MACO1: variants seen among roughly 807,000 people sequenced by gnomAD.
MACO1 encodes the protein macoilin 1.
Under a neutral mutation model 78.7 loss-of-function variants are expected in MACO1, and 14 were observed. The observed-to-expected ratio is 0.18, with a 90% confidence interval of 0.12 to 0.28. The LOEUF is 0.28. Ranked by LOEUF, MACO1 falls within the 10% of genes least tolerant of loss-of-function variation. The pLI is 1.00. For missense variants in MACO1, 501 were observed against 799.0 expected (o/e 0.63, Z 4.50); for synonymous variants, 288 against 291.6 (o/e 0.99, Z 0.12).
chr1:25,466,732 T>G (rs1253674452), intron 6 of MACO1, among the ~76,000 whole-genome samples: 1 of 152,228 alleles, frequency 6.6e-6, no homozygotes, highest in Non-Finnish European at 1.5e-5. Context: ...ATACTTTCAG[T>G]CTGAGGCTTT....
intron 6 of MACO1, among the ~76,000 whole-genome samples, chr1:25,469,916 G>A (rs919251484): frequency 1.3e-5 from 2 of 152,060 alleles, no homozygotes; most frequent in African/African-American, 4.8e-5. Context: ...ATGAGCCACC[G>A]CGCCCGGCCA....
intron 6 of MACO1, among the ~76,000 whole-genome samples, chr1:25,469,014 A>T (rs2124595583): frequency 6.6e-6 from 1 of 151,150 alleles, no homozygotes; most frequent in East Asian, 1.9e-4. Context: ...TAATTTTTTT[A>T]TTTTTTTTAG....
At chr1:25,464,910 G>A (rs1453357378) in intron 6 of MACO1, among the ~76,000 whole-genome samples, 1 of 151,874 alleles carries the variant, frequency 6.6e-6, no homozygotes, top group Non-Finnish European at 1.5e-5. Flanking sequence ...CTGACCTCAG[G>A]TGATCCACCC....
intron 9 of MACO1, among the ~76,000 whole-genome samples, chr1:25,490,089 G>A (rs1038729303): frequency 1.3e-5 from 2 of 152,022 alleles, no homozygotes; most frequent in Admixed American, 6.6e-5. Flanking sequence ...AAAACTAGGT[G>A]GAAATATACT....
At position 25,489,471 on chromosome 1, in the gene MACO1, T is replaced by C. The variant is rs118033132; in HGVS notation, c.1617+178T>C. Among the ~76,000 whole-genome samples, 162 of 152,328 alleles carry C rather than the reference T, an allele frequency of 1.1e-3. 1 individual carries two copies. The East Asian group carries it at 0.03, about 28-fold the overall frequency. On this transcript the variant is annotated intron_variant, in intron 9 of 10. Transcript: ENST00000374343. ...CTAATCTTGTCCAGCTCATTTCAAG[T>C]CATATTAATGTAGCCAGATTCTAAT...
At chr1:25,432,590 A>T (rs933922668) in intron 1 of MACO1, among the ~76,000 whole-genome samples, 7 of 152,238 alleles carry the variant, frequency 4.6e-5, no homozygotes, top group Admixed American at 1.3e-4. Context: ...TTTTCTACAC[A>T]TAGATGGAGG....
intron 6 of MACO1, among the ~76,000 whole-genome samples, chr1:25,470,080 T>G (rs2043254466): frequency 6.6e-6 from 1 of 152,250 alleles, no homozygotes; most frequent in African/African-American, 2.4e-5. Flanking sequence ...TAGAAAGGAC[T>G]ATATTTTTAG....
At chr1:25,431,218 C>T (rs1431975030) in intron 1 of MACO1, 40 bp downstream of exon 1, 67 of 1,514,504 alleles carry the variant, frequency 4.4e-5, no homozygotes, top group South Asian at 7.2e-5. Context: ...GCGGGCCCTG[C>T]GGTCCCCCTC....
At chr1:25,441,331 C>T (rs1314974218) in intron 1 of MACO1, among the ~76,000 whole-genome samples, 1 of 152,126 alleles carries the variant, frequency 6.6e-6, no homozygotes, top group Admixed American at 6.6e-5. Context: ...GCTGGGATTA[C>T]AGGCATCTGC....
intron 6 of MACO1, among the ~76,000 whole-genome samples, chr1:25,475,083 G>A (rs993905075): frequency 2.0e-5 from 3 of 152,206 alleles, no homozygotes; most frequent in Non-Finnish European, 2.9e-5. Flanking sequence ...CTTGGCTCAC[G>A]CCTGTAATCC....
intron 6 of MACO1, among the ~76,000 whole-genome samples, chr1:25,459,190 T>C (rs1330050360): frequency 6.6e-6 from 1 of 152,088 alleles, no homozygotes; most frequent in African/African-American, 2.4e-5. Context: ...TGTCCTTTTC[T>C]GTTTGCATGT....
At chr1:25,490,504 A>C (rs1224018641) in intron 9 of MACO1, among the ~76,000 whole-genome samples, 1 of 152,236 alleles carries the variant, frequency 6.6e-6, no homozygotes, top group African/African-American at 2.4e-5. Flanking sequence ...GCTGGTAGAA[A>C]TGTAACTTTC....
At chr1:25,453,951 G>A (rs904142381) in intron 3 of MACO1, among the ~76,000 whole-genome samples, 3 of 151,834 alleles carry the variant, frequency 2.0e-5, no homozygotes, top group Non-Finnish European at 4.4e-5. Flanking sequence ...TTTGTGACTC[G>A]TAAATTATTT....
In MACO1 at chr1:25,433,895, G is replaced by A. The variant is rs143374438; in HGVS notation, c.80+2717G>A. 3.6e-3 allele frequency among the ~76,000 whole-genome samples: 551 copies of A among 152,292 alleles called. 3 individuals carry two copies. Among genetic ancestry groups the A allele is most frequent in the Middle Eastern group, 0.034 (10 of 294 alleles). On this transcript the variant is annotated intron_variant, in intron 1 of 10. Coordinates refer to ENST00000374343, the MANE Select transcript of MACO1 (RefSeq NM_018202.6). ...AACGTGTGGTTAATTTTTTAAGGAG[G>A]CAGGAAATACTGTAAGATTTGGTGC...
chr1:25,490,326 C>T (rs2043473587), intron 9 of MACO1, among the ~76,000 whole-genome samples: 1 of 152,098 alleles, frequency 6.6e-6, no homozygotes, highest in African/African-American at 2.4e-5. Flanking sequence ...ACAAATAATT[C>T]AGAGGAAATA....
rs767903642 is a variant in MACO1 at position 25,448,864 on chromosome 1, G to A, written c.279G>A (p.Leu93=). The change falls in exon 3 of 11, where the codon CTG becomes CTA. Residue 93 remains leucine, a synonymous_variant. Coordinates refer to ENST00000374343, the MANE Select transcript of MACO1 (RefSeq NM_018202.6). ...VAFTSNIICL[L]FIPIQWLFFA... is the part of the protein sequence containing the mutation. ...TCACGTCAAATATAATATGCCTGCT[G>A]TTCATCCCCATACAGTGGCTTTTTT... is the stretch of plus-strand genomic sequence containing the variant. 2.9e-5 allele frequency: 46 copies of A among 1,563,456 alleles called. No individual in the cohort carries two copies. The highest frequency in any genetic ancestry group is 3.8e-5 in the Non-Finnish European group (44 of 1,145,508).
Position 25,458,566 on chromosome 1 carries a change from A to G in MACO1, c.828A>G (p.Leu276=), listed in dbSNP as rs2043143644. The part of the protein sequence containing the change: ...HNLGINNNNI[L]QPVDSKIQEI... Reference sequence around the variant, plus strand: ...TTGGAATAAATAACAACAATATTCTACAACCTGTAGACTCTAAAATACAAG... The same window carrying G: ...TTGGAATAAATAACAACAATATTCTGCAACCTGTAGACTCTAAAATACAAG... Residue 276 remains leucine, a synonymous_variant, in exon 6 of 11, where the codon CTA becomes CTG. Transcript: ENST00000374343. The G allele has an allele frequency of 6.2e-7, 1 of 1,614,056 alleles. No individual in the cohort carries two copies. Among genetic ancestry groups the G allele is most frequent in the Non-Finnish European group, 8.5e-7 (1 of 1,180,010 alleles).
At chr1:25,469,122 C>T (rs2043244902) in intron 6 of MACO1, among the ~76,000 whole-genome samples, 1 of 152,194 alleles carries the variant, frequency 6.6e-6, no homozygotes, top group South Asian at 2.1e-4. Context: ...GGATTACAGG[C>T]GTGAGCCACC....
chr1:25,441,294 G>A (rs1156251777), intron 1 of MACO1, among the ~76,000 whole-genome samples: 2 of 152,106 alleles, frequency 1.3e-5, no homozygotes, highest in African/African-American at 4.8e-5. Context: ...GGGTTCAAGC[G>A]ATTCTCCTGC....
Sources: allele counts gnomAD v4.1 joint callset (sites outside exome capture counted in the v4.1 genomes callset), GRCh38; gene constraint gnomAD v4.1.1; transcripts MANE v1.5; gene names NCBI Gene and HGNC (gene_info 2026-07-23, HGNC 2026-07-21).